The following PARP8 variants were observed in gnomAD, a reference collection of about 807,000 sequenced individuals.
PARP8 encodes poly(ADP-ribose) polymerase family member 8.
PARP8 carries 51 observed loss-of-function variants against 124.1 expected under a neutral mutation model. The ratio of observed to expected loss-of-function variants is 0.41; its 90% CI spans 0.33 to 0.52. The LOEUF (loss-of-function observed/expected upper bound fraction) is 0.52, where lower values mean the gene tolerates loss of function less well. Among genes scored for constraint, PARP8 ranks in the 20% least tolerant of loss-of-function variants. The probability of loss-of-function intolerance (pLI) is 0.21; values close to 1 mark genes in which losing one functional copy is unlikely to be tolerated. For missense variants in PARP8, 860 were observed against 1,018.9 expected (o/e 0.84, Z 2.12); for synonymous variants, 391 against 361.5 (o/e 1.08, Z -0.93).
chr5:50,729,170 G>A (rs1356668616), intron 2 of PARP8, among the ~76,000 whole-genome samples: 2 of 152,020 alleles, frequency 1.3e-5, no homozygotes, highest in Admixed American at 6.6e-5. Flanking sequence ...TATGAACTAA[G>A]TAAAAATAGT....
At chr5:50,758,174 GATA>G (rs1001845877) in intron 3 of PARP8, among the ~76,000 whole-genome samples, 10 of 152,072 alleles carry the variant, frequency 6.6e-5, no homozygotes, top group Non-Finnish European at 1.0e-4. Flanking sequence ...CAACTAATGA[GATA>G]ATAATTAAGT....
intron 9 of PARP8, among the ~76,000 whole-genome samples, 190 bp from the exon 10 acceptor site, chr5:50,788,333 T>G (rs1048677641): frequency 2.7e-5 from 4 of 147,560 alleles, no homozygotes; most frequent in African/African-American, 9.8e-5. Flanking sequence ...ATATTATACA[T>G]TAATGTATAA....
At chr5:50,723,966 C>A (rs1457015256) in intron 2 of PARP8, among the ~76,000 whole-genome samples, 3 of 151,998 alleles carry the variant, frequency 2.0e-5, no homozygotes, top group African/African-American at 7.2e-5. Context: ...TCTCTTTAGG[C>A]AAACATTCAT....
chr5:50,744,726 C>G lies in PARP8; in HGVS notation c.147-5425C>G, dbSNP rs1326846946. ...CAAAATTCTGAAGGCTTTTTTTTTT[C>G]TCTGAATAGGAATTCAGAGCTTGCT... On this transcript the variant is annotated intron_variant, in intron 2 of 25. Coordinates refer to ENST00000281631, the MANE Select transcript of PARP8 (RefSeq NM_024615.4). The G allele has an allele frequency of 1.5e-5, 10 of 686,594 alleles. No individual in the cohort carries two copies. In the East Asian group the frequency reaches 2.7e-4, roughly 18 times the overall value. 42.5% of individuals were successfully genotyped at this position (686,594 alleles called of 1,614,324 possible).
chr5:50,758,216 G>T (rs1469450009), intron 3 of PARP8, among the ~76,000 whole-genome samples: 5 of 152,010 alleles, frequency 3.3e-5, no homozygotes, highest in Non-Finnish European at 7.4e-5. Flanking sequence ...TTAATCTGTG[G>T]TCCCACTCGA....
intron 3 of PARP8, among the ~76,000 whole-genome samples, chr5:50,753,073 T>G (rs1309295867): frequency 2.0e-5 from 3 of 152,062 alleles, no homozygotes; most frequent in Non-Finnish European, 4.4e-5. Context: ...AGTGAAGAAA[T>G]AGAGAGGCCT....
rs1403174873 is a variant in PARP8 at position 50,788,788 on chromosome 5, CCTT to C, written c.737+202_737+204del. On this transcript the variant is annotated intron_variant, in intron 10 of 25. Transcript: ENST00000281631. ...CTCAGTTTTCCACCTGGGCCAGAGT[CCTT>C]CTGTTGCTATCCAAGATCCACTCTC... Among the ~76,000 whole-genome samples the C allele has an allele frequency of 2.0e-5, 3 of 152,174 alleles. No individual in the cohort carries two copies. In the East Asian group the frequency reaches 5.8e-4, roughly 29 times the overall value.
intron 2 of PARP8, among the ~76,000 whole-genome samples, chr5:50,728,425 A>T (rs1399566285): frequency 6.6e-6 from 1 of 152,140 alleles, no homozygotes; most frequent in Admixed American, 6.6e-5. Context: ...TTTAAAATTG[A>T]CATCATTTTC....
chr5:50,759,224 A>C (rs1359523742), intron 3 of PARP8, among the ~76,000 whole-genome samples: 1 of 152,030 alleles, frequency 6.6e-6, no homozygotes, highest in East Asian at 1.9e-4. Flanking sequence ...CGGCCCACTA[A>C]TAAATTTTTT....
At chr5:50,816,986 A>C (rs773770738) in intron 15 of PARP8, among the ~76,000 whole-genome samples, 1 of 152,188 alleles carries the variant, frequency 6.6e-6, no homozygotes, top group Non-Finnish European at 1.5e-5. Flanking sequence ...GTATGCTCAC[A>C]TGTATATTTA....
At chr5:50,777,905 C>A (rs1740217711) in intron 7 of PARP8, among the ~76,000 whole-genome samples, 164 bp from the exon 8 acceptor site, 1 of 152,034 alleles carries the variant, frequency 6.6e-6, no homozygotes, top group Admixed American at 6.6e-5. Context: ...AAATGACAGT[C>A]CAACTAGATT....
intron 2 of PARP8, chr5:50,738,981 A>C (rs1757751713): frequency 1.4e-6 from 1 of 702,546 alleles, no homozygotes; most frequent in African/African-American, 1.7e-5. Flanking sequence ...TGTATCAAGC[A>C]CATTCCTAGA....
At chr5:50,768,511 G>A (rs7723602) in intron 7 of PARP8, among the ~76,000 whole-genome samples, 20,963 of 152,002 alleles carry the variant, frequency 0.14, 1,519 homozygotes, top group East Asian at 0.19. Context: ...AAGCAATTTC[G>A]TTAGATCATT....
At chr5:50,684,342 A>G (rs1308799159) in intron 2 of PARP8, among the ~76,000 whole-genome samples, 1 of 152,144 alleles carries the variant, frequency 6.6e-6, no homozygotes, top group African/African-American at 2.4e-5. Flanking sequence ...TCTTTGCCAA[A>G]AAATGTGGAC....
intron 25 of PARP8, among the ~76,000 whole-genome samples, chr5:50,838,696 AT>A (rs1747849005): frequency 6.6e-6 from 1 of 152,024 alleles, no homozygotes; most frequent in South Asian, 2.1e-4. Context: ...ATTCTCCAAC[AT>A]ATAGAGTCGC....
chr5:50,821,112 G>A, intron 15 of PARP8, 101 bp from the exon 16 acceptor site: 1 of 1,385,910 alleles, frequency 7.2e-7, no homozygotes, highest in Non-Finnish European at 1.0e-6. Context: ...TAGCAGTCCT[G>A]ATCTTCCTCA....
chr5:50,843,891 A>G lies in PARP8; in HGVS notation c.*1823A>G, dbSNP rs1748413382. The G allele has an allele frequency of 6.6e-6, 1 of 151,782 alleles. No homozygotes were observed. The highest frequency in any genetic ancestry group is 1.5e-5 in the Non-Finnish European group (1 of 67,838). The allele number at this position is 151,782 out of a possible 1,614,324, so 9.4% of individuals were successfully genotyped here. A position where few individuals can be genotyped will look rare whatever the true frequency, so the allele number is the denominator to read the frequency against. Reference sequence around the variant, plus strand: ...CAGTCTATACATGACAAACATGAAGATCTAATATCAAGATTTGGGAGACGG... The same window carrying G: ...CAGTCTATACATGACAAACATGAAGGTCTAATATCAAGATTTGGGAGACGG... On this transcript the variant is annotated 3_prime_UTR_variant, in exon 26 of 26. Coordinates refer to ENST00000281631, the MANE Select transcript of PARP8 (RefSeq NM_024615.4).
intron 2 of PARP8, among the ~76,000 whole-genome samples, chr5:50,669,739 T>A (rs189168741): frequency 6.6e-5 from 10 of 152,336 alleles, no homozygotes; most frequent in Admixed American, 2.6e-4. Context: ...GTTTTCACCA[T>A]AGGAAGAAGT....
chr5:50,719,408 A>G (rs1221821738), intron 2 of PARP8, among the ~76,000 whole-genome samples: 1 of 152,008 alleles, frequency 6.6e-6, no homozygotes, highest in Non-Finnish European at 1.5e-5. Flanking sequence ...GCCCAGAACA[A>G]TGTTCTGGAG....
Sources: allele counts gnomAD v4.1 joint callset (sites outside exome capture counted in the v4.1 genomes callset), GRCh38; gene constraint gnomAD v4.1.1; transcripts MANE v1.5; gene names NCBI Gene and HGNC (gene_info 2026-07-23, HGNC 2026-07-21).